PBX1: variants seen among roughly 807,000 people sequenced by gnomAD.
The protein encoded by PBX1 is PBX homeobox 1.
Under a neutral mutation model 53.4 loss-of-function variants are expected in PBX1, and 6 were observed. The ratio of observed to expected loss-of-function variants is 0.11; its 90% CI spans 0.06 to 0.22. The LOEUF (loss-of-function observed/expected upper bound fraction) is 0.22. PBX1 is among the 10% of genes least tolerant of loss of function. PBX1 has a pLI of 1.00. For synonymous variants in PBX1, 204 were observed against 212.3 expected (o/e 0.96, Z 0.34); for missense variants, 251 against 551.4 (o/e 0.46, Z 5.46).
chr1:164,831,695 A>G (rs1211378022), intron 8 of PBX1, among the ~76,000 whole-genome samples: 1 of 152,216 alleles, frequency 6.6e-6, no homozygotes, highest in Non-Finnish European at 1.5e-5. Context: ...ACACTTGTAT[A>G]TAAATTTCCT....
At chr1:164,834,812 G>A (rs1670952443) in intron 8 of PBX1, among the ~76,000 whole-genome samples, 1 of 152,218 alleles carries the variant, frequency 6.6e-6, no homozygotes, top group Admixed American at 6.5e-5. Flanking sequence ...GCTATAAATT[G>A]CATTGGTTGC....
At chr1:164,761,377 G>T (rs1157828909) in intron 2 of PBX1, among the ~76,000 whole-genome samples, 6 of 152,176 alleles carry the variant, frequency 3.9e-5, no homozygotes, top group Admixed American at 3.9e-4. Context: ...ATGCCAAAAG[G>T]CTTTGGGTTT....
intron 2 of PBX1, among the ~76,000 whole-genome samples, chr1:164,750,145 GGTGTGTGTGTGTGTGTGTGTGTGTGT>G (rs10665357): frequency 7.1e-6 from 1 of 140,806 alleles, no homozygotes; most frequent in Non-Finnish European, 1.5e-5. Flanking sequence ...GGGGCTAGTT[GGTGTGTGTGTGTGTGTGTGTGTGTGT>G]GTGTGTGTGT....
At chr1:164,646,674 C>T (rs539515151) in intron 2 of PBX1, among the ~76,000 whole-genome samples, 13 of 152,150 alleles carry the variant, frequency 8.5e-5, no homozygotes, top group Non-Finnish European at 1.6e-4. Context: ...TGTCCCTGCT[C>T]GTTGAGAGGA....
intron 2 of PBX1, among the ~76,000 whole-genome samples, chr1:164,874,067 T>C (rs575895356): frequency 6.6e-6 from 1 of 151,982 alleles, no homozygotes; most frequent in South Asian, 2.1e-4. Context: ...CCTTTTGTTC[T>C]GATTGTTGGC....
At chr1:164,685,202 C>T (rs1227623426) in intron 2 of PBX1, among the ~76,000 whole-genome samples, 1 of 152,154 alleles carries the variant, frequency 6.6e-6, no homozygotes, top group African/African-American at 2.4e-5. Context: ...GCAGATTCCA[C>T]CAGTGTTTTA....
Position 164,847,282 on chromosome 1 carries a change from C to T in PBX1, c.*606C>T. On this transcript the variant is annotated 3_prime_UTR_variant, in exon 9 of 9. Coordinates refer to ENST00000420696, the MANE Select transcript of PBX1 (RefSeq NM_002585.4). ...TGGAACACTTTCCTCCTCTTCCTTC[C>T]TAGCCCCAGCTATTCACTGGGGACT... 9.4e-7 allele frequency: 1 copy of T among 1,065,682 alleles called. No individual in the cohort carries two copies. The highest frequency in any genetic ancestry group is 1.1e-6 in the Non-Finnish European group (1 of 879,550). The allele number at this position is 1,065,682 out of a possible 1,614,324, so 66.0% of individuals were successfully genotyped here.
chr1:164,575,073 T>C (rs975345413), intron 2 of PBX1, among the ~76,000 whole-genome samples: 3 of 152,244 alleles, frequency 2.0e-5, no homozygotes, highest in Non-Finnish European at 4.4e-5. Flanking sequence ...TGTGATGGAA[T>C]GCATATGTTG....
chr1:164,765,118 A>G (rs1666999950), intron 2 of PBX1, among the ~76,000 whole-genome samples: 2 of 152,156 alleles, frequency 1.3e-5, no homozygotes, highest in African/African-American at 4.8e-5. Flanking sequence ...CAGTTTACAG[A>G]CAGTGATTTA....
At chr1:164,853,272 C>T (rs1671900482), downstream of PBX1, among the ~76,000 whole-genome samples, 2 of 152,236 alleles carry the variant, frequency 1.3e-5, no homozygotes, top group South Asian at 4.1e-4. Flanking sequence ...TAGGGGTAGG[C>T]GTGGGGATTA....
chr1:164,859,363 G>A (rs1219863382), intron 2 of PBX1, among the ~76,000 whole-genome samples: 1 of 152,116 alleles, frequency 6.6e-6, no homozygotes, highest in East Asian at 1.9e-4. Flanking sequence ...CTCTGCATTT[G>A]GTTTCAGAGA....
intron 2 of PBX1, among the ~76,000 whole-genome samples, chr1:164,679,783 G>A (rs114907144): frequency 0.013 from 1,911 of 152,240 alleles, 28 homozygotes; most frequent in South Asian, 0.028. Flanking sequence ...ATTAATGTTT[G>A]TGTTCTCATT....
intron 8 of PBX1, among the ~76,000 whole-genome samples, chr1:164,841,692 G>A (rs1286248930): frequency 6.6e-6 from 1 of 152,178 alleles, no homozygotes; most frequent in Non-Finnish European, 1.5e-5. Context: ...TAGCTTGATA[G>A]AAGAGTGATG....
chr1:164,714,169 G>GT (rs1396551917), intron 2 of PBX1, among the ~76,000 whole-genome samples: 35 of 152,212 alleles, frequency 2.3e-4, no homozygotes, highest in African/African-American at 8.4e-4. Flanking sequence ...AATGATTTTG[G>GT]TTAATGCTCT....
chr1:164,874,034 G>A (rs1672444389), intron 2 of PBX1, among the ~76,000 whole-genome samples: 1 of 150,746 alleles, frequency 6.6e-6, no homozygotes, highest in Non-Finnish European at 1.5e-5. Context: ...AAAGAGGCAT[G>A]AAAGGAGAGG....
chr1:164,707,453 G>GAA (rs1663500922), intron 2 of PBX1, among the ~76,000 whole-genome samples: 1 of 147,562 alleles, frequency 6.8e-6, no homozygotes, highest in Non-Finnish European at 1.5e-5. Context: ...GAGAGAGAGA[G>GAA]AGAAAGTGCT....
intron 2 of PBX1, among the ~76,000 whole-genome samples, chr1:164,733,118 G>A (rs888269227): frequency 2.0e-5 from 3 of 152,154 alleles, no homozygotes; most frequent in Non-Finnish European, 4.4e-5. Context: ...TCCCTATTGG[G>A]CATCTTTTCT....
chr1:164,565,424 C>G (rs998092048), intron 2 of PBX1, among the ~76,000 whole-genome samples: 16 of 143,818 alleles, frequency 1.1e-4, no homozygotes, highest in Non-Finnish European at 1.7e-4. Flanking sequence ...TGTTAAGGGA[C>G]ACACACACAC....
chr1:164,813,093 G>A (rs1374548173), intron 6 of PBX1: 1 of 151,832 alleles, frequency 6.6e-6, no homozygotes, highest in Non-Finnish European at 1.5e-5. Context: ...ATTTTTTAGA[G>A]TATGTGGTAT....
Sources: gnomAD v4.1 joint callset for allele counts (sites outside exome capture counted in the v4.1 genomes callset) on GRCh38, gnomAD v4.1.1 for gene constraint, MANE v1.5 for transcripts, NCBI Gene and HGNC (gene_info 2026-07-23, HGNC 2026-07-21) for gene names.